The following CDK19 variants were observed in gnomAD, a reference collection of about 807,000 sequenced individuals.
The protein encoded by CDK19 is cyclin-dependent kinase 19.
CDK19 carries 20 observed loss-of-function variants against 68.3 expected under a neutral mutation model. The observed-to-expected ratio is 0.29, with a 90% CI of 0.21 to 0.43. The LOEUF is 0.43. Ranked by LOEUF, CDK19 falls within the 20% of genes least tolerant of loss-of-function variation. The pLI, the probability that CDK19 is intolerant of heterozygous loss-of-function variation, is 1.00. For missense variants in CDK19, 339 were observed against 623.5 expected (o/e 0.54, Z 4.86); for synonymous variants, 221 against 222.8 (o/e 0.99, Z 0.07).
intron 2 of CDK19, among the ~76,000 whole-genome samples, chr6:110,730,542 G>C (rs752662584): frequency 1.3e-5 from 2 of 152,180 alleles, no homozygotes; most frequent in African/African-American, 4.8e-5. Context: ...TTACGATGTA[G>C]GGGAGAAGTA....
At chr6:110,711,506 G>C (rs950355154) in intron 2 of CDK19, among the ~76,000 whole-genome samples, 1 of 152,048 alleles carries the variant, frequency 6.6e-6, no homozygotes, top group African/African-American at 2.4e-5. Context: ...ATTAAAACCA[G>C]GAATGTCCTA....
At chr6:110,676,154 T>C (rs1582838116) in intron 2 of CDK19, among the ~76,000 whole-genome samples, 1 of 151,712 alleles carries the variant, frequency 6.6e-6, no homozygotes, top group African/African-American at 2.4e-5. Context: ...TTTTGAGGAG[T>C]TCAAGGTATC....
At chr6:110,649,594 A>G (rs1309910150) in intron 4 of CDK19, among the ~76,000 whole-genome samples, 2 of 152,212 alleles carry the variant, frequency 1.3e-5, no homozygotes, top group Non-Finnish European at 2.9e-5. Context: ...AAATATATGC[A>G]ACACATATAA....
chr6:110,755,523 G>A (rs571595171), intron 1 of CDK19, among the ~76,000 whole-genome samples: 2 of 152,110 alleles, frequency 1.3e-5, no homozygotes, highest in African/African-American at 2.4e-5. Context: ...AGTGGGTCCC[G>A]AGAGATAAGC....
intron 1 of CDK19, among the ~76,000 whole-genome samples, chr6:110,783,424 G>A (rs1780961137): frequency 6.6e-6 from 1 of 152,100 alleles, no homozygotes; most frequent in African/African-American, 2.4e-5. Flanking sequence ...GATCACTAGA[G>A]GTCAGGAGTT....
intron 1 of CDK19, among the ~76,000 whole-genome samples, chr6:110,788,921 G>A (rs2115061429): frequency 6.6e-6 from 1 of 152,066 alleles, no homozygotes; most frequent in South Asian, 2.1e-4. Flanking sequence ...ACTCCATATG[G>A]GTGCCATGGT....
chr6:110,721,395 G>A (rs968659308), intron 2 of CDK19, among the ~76,000 whole-genome samples: 1 of 152,090 alleles, frequency 6.6e-6, no homozygotes, highest in Non-Finnish European at 1.5e-5. Context: ...AGAGTTTGGA[G>A]GACTTCACCA....
chr6:110,787,399 T>C (rs898093457), intron 1 of CDK19, among the ~76,000 whole-genome samples: 2 of 151,776 alleles, frequency 1.3e-5, no homozygotes, highest in African/African-American at 2.4e-5. Flanking sequence ...CAAAGACCTA[T>C]TCAGGCAGAT....
chr6:110,770,314 T>TA (rs1453821468), intron 1 of CDK19, among the ~76,000 whole-genome samples: 1 of 152,180 alleles, frequency 6.6e-6, no homozygotes, highest in Non-Finnish European at 1.5e-5. Flanking sequence ...TAATTGGACT[T>TA]ACAGTTCCAC....
At chr6:110,623,221 A>G in intron 9 of CDK19, 69 bp downstream of exon 9, 1 of 1,260,870 alleles carries the variant, frequency 7.9e-7, no homozygotes, top group African/African-American at 1.5e-5. Flanking sequence ...AAGAGGAGGA[A>G]TAGCTGAGTA....
chr6:110,724,814 T>C (rs1029750480), intron 2 of CDK19, among the ~76,000 whole-genome samples: 2 of 152,122 alleles, frequency 1.3e-5, no homozygotes, highest in Non-Finnish European at 2.9e-5. Flanking sequence ...GAATTAAGTA[T>C]GTCTAAAACT....
chr6:110,654,957 A>G (rs1037654788), intron 4 of CDK19, among the ~76,000 whole-genome samples: 18 of 151,876 alleles, frequency 1.2e-4, no homozygotes, highest in Admixed American at 7.2e-4. Context: ...AAAAAAAAAG[A>G]AAGAAAGAAA....
At chr6:110,705,002 T>C (rs1389484216) in intron 2 of CDK19, among the ~76,000 whole-genome samples, 2 of 150,710 alleles carry the variant, frequency 1.3e-5, no homozygotes, top group Non-Finnish European at 3.0e-5. Context: ...AATTTAGAGA[T>C]AAGGAAAAGC....
chr6:110,776,092 A>C (rs1562279018), intron 1 of CDK19, among the ~76,000 whole-genome samples: 2 of 152,208 alleles, frequency 1.3e-5, no homozygotes, highest in African/African-American at 4.8e-5. Flanking sequence ...AAGCCAGTGC[A>C]TTCTATTTAA....
chr6:110,794,340 T>C (rs541073212), intron 1 of CDK19, among the ~76,000 whole-genome samples: 1 of 151,686 alleles, frequency 6.6e-6, no homozygotes, highest in Non-Finnish European at 1.5e-5. Context: ...CGACCGCGCC[T>C]GGCCTGTTCT....
At chr6:110,737,208 C>T (rs1777308643) in intron 2 of CDK19, among the ~76,000 whole-genome samples, 1 of 152,178 alleles carries the variant, frequency 6.6e-6, no homozygotes. Flanking sequence ...CACACCATCC[C>T]ATCTTCCCTT....
chr6:110,690,921 C>A (rs1196697196), intron 2 of CDK19, among the ~76,000 whole-genome samples: 1 of 151,330 alleles, frequency 6.6e-6, no homozygotes, highest in African/African-American at 2.4e-5. Context: ...GATAGTTTAC[C>A]CAAATGACAA....
chr6:110,678,717 G>GA (rs1308819579), intron 2 of CDK19, among the ~76,000 whole-genome samples: 3 of 152,200 alleles, frequency 2.0e-5, no homozygotes, highest in African/African-American at 7.2e-5. Flanking sequence ...TAATTCAATA[G>GA]AAAAAAATGC....
At chr6:110,693,713 A>G in intron 2 of CDK19, among the ~76,000 whole-genome samples, 1 of 151,906 alleles carries the variant, frequency 6.6e-6, no homozygotes, top group East Asian at 1.9e-4. Flanking sequence ...TGGCTTAAGA[A>G]CCACCCCATC....
Sources: allele counts gnomAD v4.1 joint callset (sites outside exome capture counted in the v4.1 genomes callset), GRCh38; gene constraint gnomAD v4.1.1; transcripts MANE v1.5; gene names NCBI Gene and HGNC (gene_info 2026-07-23, HGNC 2026-07-21).